LDLRAD4: variants seen among roughly 807,000 people sequenced by gnomAD.
The protein encoded by LDLRAD4 is low density lipoprotein receptor class A domain containing 4, also known as low-density lipoprotein receptor class A domain-containing protein 4.
In LDLRAD4, 5 loss-of-function variants were observed where a neutral mutation model predicts 17.0. The observed-to-expected ratio is 0.29, with a 90% CI of 0.15 to 0.62. The LOEUF (loss-of-function observed/expected upper bound fraction) is 0.62, where lower values mean the gene tolerates loss of function less well. Ranked by LOEUF, LDLRAD4 falls within the 20% of genes least tolerant of loss-of-function variation. The pLI, the probability that LDLRAD4 is intolerant of heterozygous loss-of-function variation, is 0.84. For missense variants in LDLRAD4, 340 were observed against 424.7 expected, an observed-to-expected ratio of 0.80 and a Z score of 1.75; for synonymous variants, 168 against 171.8, an observed-to-expected ratio of 0.98 and a Z score of 0.17.
At chr18:13,628,723 T>C (rs1272916196) in intron 4 of LDLRAD4, among the ~76,000 whole-genome samples, 1 of 152,164 alleles carries the variant, frequency 6.6e-6, no homozygotes, top group Non-Finnish European at 1.5e-5. Flanking sequence ...TGAACCACAG[T>C]GGGCAGAGCT....
chr18:13,395,303 G>A lies in LDLRAD4; in HGVS notation c.40+7541G>A, dbSNP rs889181827. Among the ~76,000 whole-genome samples, 5 of 150,264 alleles carry A rather than the reference G, an allele frequency of 3.3e-5. No individual in the cohort carries two copies. The South Asian group carries it at 1.1e-3, about 32-fold the overall frequency. ...CTTCTTGAAGTTGACTATACAGAAA[G>A]GCCTCATAAAAATCAGGGGTTCATT... is the stretch of plus-strand genomic sequence containing the variant. On this transcript the variant is annotated intron_variant, in intron 2 of 5. Coordinates refer to ENST00000359446, the Ensembl canonical transcript of LDLRAD4.
chr18:13,288,740 C>G (rs1190738767), intron 1 of LDLRAD4, among the ~76,000 whole-genome samples: 1 of 127,246 alleles, frequency 7.9e-6, no homozygotes, highest in Admixed American at 7.8e-5. Flanking sequence ...ACCGTGGTCA[C>G]TCTGCAAGGT....
At chr18:13,507,833 C>T (rs1285890864) in intron 3 of LDLRAD4, among the ~76,000 whole-genome samples, 2 of 152,146 alleles carry the variant, frequency 1.3e-5, no homozygotes, top group African/African-American at 2.4e-5. Context: ...ATAACCCTAC[C>T]GTGGCCTCTA....
chr18:13,265,024 G>A (rs2044137253), intron 1 of LDLRAD4, among the ~76,000 whole-genome samples: 1 of 152,164 alleles, frequency 6.6e-6, no homozygotes, highest in South Asian at 2.1e-4. Context: ...ACCTGGTGCT[G>A]TTCTGACCCC....
chr18:13,405,649 G>A (rs547216678), intron 2 of LDLRAD4, among the ~76,000 whole-genome samples: 127 of 146,810 alleles, frequency 8.7e-4, no homozygotes, highest in African/African-American at 3.2e-3. Flanking sequence ...TATTGCCCAA[G>A]TTGTTCTTGA....
At position 13,365,582 on chromosome 18, in the gene LDLRAD4, G is replaced by A. The variant is rs544479382; in HGVS notation, c.-382-21759G>A. 3.3e-5 allele frequency among the ~76,000 whole-genome samples: 5 copies of A among 152,306 alleles called. No homozygotes were observed. In the South Asian group the frequency reaches 1.0e-3, roughly 32 times the overall value. On this transcript the variant is annotated intron_variant, in intron 1 of 5. Coordinates refer to ENST00000359446, the Ensembl canonical transcript of LDLRAD4. ...CGGTGTCCTTTTCTGCCAACACACAGTTCTCACACAGCATCTTGCTGTGGG... is the reference window on the plus strand; with the variant it reads ...CGGTGTCCTTTTCTGCCAACACACAATTCTCACACAGCATCTTGCTGTGGG...
intron 3 of LDLRAD4, among the ~76,000 whole-genome samples, chr18:13,618,270 A>C (rs1159939012): frequency 6.6e-6 from 1 of 152,282 alleles, no homozygotes; most frequent in Non-Finnish European, 1.5e-5. Context: ...GCAAACACAC[A>C]CACATGCAAC....
intron 4 of LDLRAD4, among the ~76,000 whole-genome samples, chr18:13,632,953 G>A (rs1187595057): frequency 2.0e-5 from 3 of 152,192 alleles, no homozygotes; most frequent in Non-Finnish European, 4.4e-5. Context: ...CCCAATGTCT[G>A]TCTGTCAATG....
At chr18:13,256,544 T>A (rs2043514411) in intron 1 of LDLRAD4, among the ~76,000 whole-genome samples, 2 of 152,244 alleles carry the variant, frequency 1.3e-5, no homozygotes, top group Non-Finnish European at 2.9e-5. Flanking sequence ...GACTTCTTGC[T>A]TCGAGATCAG....
intron 1 of LDLRAD4, among the ~76,000 whole-genome samples, chr18:13,268,218 C>T (rs887975820): frequency 1.3e-5 from 2 of 152,182 alleles, no homozygotes; most frequent in Admixed American, 1.3e-4. Context: ...GCCAGTCTGT[C>T]CTGGACTCTC....
intron 1 of LDLRAD4, among the ~76,000 whole-genome samples, chr18:13,386,942 A>G (rs147760746): frequency 1.1e-3 from 120 of 112,204 alleles, no homozygotes; most frequent in East Asian, 5.4e-3. Context: ...ATAGATAGAT[A>G]GATAGATGGA....
intron 3 of LDLRAD4, among the ~76,000 whole-genome samples, chr18:13,537,780 T>TTGTG (rs1342850807): frequency 2.1e-4 from 32 of 151,798 alleles, no homozygotes; most frequent in African/African-American, 6.5e-4. Flanking sequence ...GGCCTGGAAT[T>TTGTG]TGTGTGTGTG....
chr18:13,508,889 A>T (rs1444393169), intron 3 of LDLRAD4, among the ~76,000 whole-genome samples: 1 of 152,248 alleles, frequency 6.6e-6, no homozygotes, highest in Non-Finnish European at 1.5e-5. Context: ...CTAAGGGTAT[A>T]GCTGCTATAA....
intron 3 of LDLRAD4, among the ~76,000 whole-genome samples, chr18:13,616,918 G>A (rs1023055766): frequency 2.0e-5 from 3 of 152,014 alleles, no homozygotes; most frequent in South Asian, 2.1e-4. Flanking sequence ...TAGGGTGCCC[G>A]TGAACCCCCA....
chr18:13,289,514 T>TA (rs1437785918), intron 1 of LDLRAD4, among the ~76,000 whole-genome samples: 6 of 152,224 alleles, frequency 3.9e-5, no homozygotes, highest in Non-Finnish European at 7.4e-5. Flanking sequence ...TCATCTGTCT[T>TA]TAATTTACAG....
At chr18:13,364,394 G>A (rs893799261) in intron 1 of LDLRAD4, among the ~76,000 whole-genome samples, 1 of 152,086 alleles carries the variant, frequency 6.6e-6, no homozygotes, top group African/African-American at 2.4e-5. Flanking sequence ...CTGAAGTGCG[G>A]TGGTGTGGTC....
At chr18:13,377,307 A>G (rs1195494097) in intron 1 of LDLRAD4, among the ~76,000 whole-genome samples, 1 of 152,188 alleles carries the variant, frequency 6.6e-6, no homozygotes, top group Non-Finnish European at 1.5e-5. Context: ...TTTCACCAAC[A>G]TGAACTGACT....
chr18:13,425,173 A>G (rs535603925), intron 2 of LDLRAD4, among the ~76,000 whole-genome samples: 1 of 152,328 alleles, frequency 6.6e-6, no homozygotes, highest in East Asian at 1.9e-4. Context: ...AGTTAATTAT[A>G]TGATTTATTG....
chr18:13,436,646 T>G (rs1008127133), intron 2 of LDLRAD4, among the ~76,000 whole-genome samples: 1 of 152,244 alleles, frequency 6.6e-6, no homozygotes, highest in Non-Finnish European at 1.5e-5. Context: ...ACATCCCTTT[T>G]TTCCATTAAG....
Sources: allele counts gnomAD v4.1 joint callset (sites outside exome capture counted in the v4.1 genomes callset), GRCh38; gene constraint gnomAD v4.1.1; transcripts MANE v1.5; gene names NCBI Gene and HGNC (gene_info 2026-07-23, HGNC 2026-07-21).